Variants in GJC2 observed in about 807,000 individuals in gnomAD.
GJC2 encodes gap junction protein gamma 2, also known as gap junction gamma-2 protein.
For missense variants in GJC2, 647 were observed against 648.9 expected (o/e 1.00, Z 0.03); for synonymous variants, 336 against 307.5 (o/e 1.09, Z -0.97).
At chr1:228,157,654 G>C (rs1411713891) in intron 1 of GJC2, 86 bp from the exon 2 acceptor site, 2 of 737,982 alleles carry the variant, frequency 2.7e-6, no homozygotes, top group African/African-American at 3.5e-5. Context: ...AGAGGGGCCA[G>C]CTGCGAGGCA....
rs567876536 is a variant in GJC2 at position 228,153,047 on chromosome 1, A to G, written c.-20+3040A>G. Among the ~76,000 whole-genome samples the G allele has an allele frequency of 2.6e-5, 4 of 151,982 alleles. 1 individual carries two copies. Among genetic ancestry groups the G allele is most frequent in the African/African-American group, 9.7e-5 (4 of 41,440 alleles). ...TGAGATCTCTTGGACTTGTGTGCAC[A>G]TAGTCTGCAAATCCCGGGCCTGGCT... On this transcript the variant is annotated intron_variant, in intron 1 of 1. Coordinates refer to ENST00000366714, the MANE Select transcript of GJC2 (RefSeq NM_020435.4).
rs2034587878 is a variant in GJC2 at position 228,149,935 on chromosome 1, C to A, written c.-92C>A. The stretch of plus-strand genomic sequence containing the variant: ...GAGGTGGCCCTGGCTCGGCCACACA[C>A]CCTCGGGGAGGACCAGCATCCAAGC... On this transcript the variant is annotated 5_prime_UTR_variant, in exon 1 of 2. Transcript: ENST00000366714. 1 of 152,536 alleles carries A rather than the reference C, an allele frequency of 6.6e-6. No individual in the cohort carries two copies. The highest frequency in any genetic ancestry group is 2.4e-5 in the African/African-American group (1 of 41,468). 9.4% of individuals were successfully genotyped at this position (152,536 alleles called of 1,614,324 possible).
chr1:228,156,839 C>G (rs1571906893), intron 1 of GJC2, among the ~76,000 whole-genome samples: 1 of 152,262 alleles, frequency 6.6e-6, no homozygotes, highest in East Asian at 1.9e-4. Context: ...TTCCTGGGCA[C>G]TTGCCCACCT....
intron 1 of GJC2, among the ~76,000 whole-genome samples, chr1:228,154,240 T>G (rs2034654788): frequency 1.3e-5 from 2 of 152,186 alleles, no homozygotes; most frequent in Non-Finnish European, 2.9e-5. Context: ...CCTCTTGGTT[T>G]CGGCAGCCTC....
In GJC2 at chr1:228,158,894, C is replaced by T. The variant is rs1451419030; in HGVS notation, c.1136C>T (p.Ala379Val). ...RDSSPCVGLP[A>V]ASRGPPRAGA... is the part of the protein sequence containing the mutation. ...AGTTCGCCGTGCGTCGGCCTCCCTG[C>T]GGCCTCCCGGGGGCCCCCCAGAGCA... Residue 379 changes from alanine to valine, a missense_variant, in exon 2 of 2, where the codon GCG (alanine) becomes GTG (valine). Coordinates refer to ENST00000366714, the MANE Select transcript of GJC2 (RefSeq NM_020435.4). This position sits in a 1 kb window ranked among gnomAD's most constrained non-coding sequence, Gnocchi z 8.3. 1.3e-5 allele frequency: 20 copies of T among 1,489,084 alleles called. No individual in the cohort carries two copies. Among genetic ancestry groups the T allele is most frequent in the Admixed American group, 2.3e-5 (1 of 42,614 alleles). The allele number at this position is 1,489,084 out of a possible 1,614,324, so 92.2% of individuals were successfully genotyped here. A position where few individuals can be genotyped will look rare whatever the true frequency, so the allele number is the denominator to read the frequency against.
intron 1 of GJC2, among the ~76,000 whole-genome samples, chr1:228,153,045 A>G (rs1158469563): frequency 1.3e-5 from 2 of 151,906 alleles, no homozygotes; most frequent in African/African-American, 4.8e-5. Context: ...ACTTGTGTGC[A>G]CATAGTCTGC....
Position 228,158,081 on chromosome 1 carries a change from A to C in GJC2, c.323A>C (p.Gln108Pro). The C allele has an allele frequency of 6.3e-7, 1 of 1,588,380 alleles. No homozygotes were observed. Residue 108 changes from glutamine to proline, a missense_variant, in exon 2 of 2, where the codon CAG becomes CCG. By Grantham distance (76) the Gln-to-Pro change is moderately conservative (BLOSUM62 -1). Coordinates refer to ENST00000366714, the MANE Select transcript of GJC2 (RefSeq NM_020435.4). The surrounding 1 kb of genome is among the most constrained non-coding windows in gnomAD (Gnocchi z 8.3). ...CACCGCCTGGCCCGTGCGTCTGAGCAGGAGCGGCGCCGCGCCCTCCGCCGC... is the reference window on the plus strand; with the variant it reads ...CACCGCCTGGCCCGTGCGTCTGAGCCGGAGCGGCGCCGCGCCCTCCGCCGC... ...AVHRLARASE[Q>P]ERRRALRRRP...
At chr1:228,155,990 T>C (rs1245516494) in intron 1 of GJC2, among the ~76,000 whole-genome samples, 1 of 152,244 alleles carries the variant, frequency 6.6e-6, no homozygotes, top group Non-Finnish European at 1.5e-5. Flanking sequence ...GCCTGCTCTG[T>C]CTCAGGTTCC....
intron 1 of GJC2, among the ~76,000 whole-genome samples, chr1:228,154,762 G>A (rs1423484603): frequency 6.6e-6 from 1 of 152,254 alleles, no homozygotes; most frequent in Non-Finnish European, 1.5e-5. Flanking sequence ...GAGGGATCCA[G>A]TCTCAGGCAC....
chr1:228,158,252 C>T lies in GJC2; in HGVS notation c.494C>T (p.Ala165Val). Residue 165 changes from alanine (A) to valine (V), a missense_variant, in exon 2 of 2, where the codon GCC becomes GTC. Physicochemically the swap from Ala to Val is moderately conservative, Grantham distance 64. Coordinates refer to ENST00000366714, the MANE Select transcript of GJC2 (RefSeq NM_020435.4). The surrounding 1 kb of genome is among the most constrained non-coding windows in gnomAD (Gnocchi z 8.3). ...GAGGAGACGGGGGCAGCCGAGGGCG[C>T]CGGCGAGGAAGCGGAGGAGGCAGGC... is the stretch of plus-strand genomic sequence containing the variant. ...EEEETGAAEG[A>V]GEEAEEAGAE... 6.6e-7 allele frequency: 1 copy of T among 1,514,250 alleles called. No individual in the cohort carries two copies. 93.8% of individuals were successfully genotyped at this position (1,514,250 alleles called of 1,614,324 possible). A position where few individuals can be genotyped will look rare whatever the true frequency, so the allele number is the denominator to read the frequency against.
rs1295459864 is a variant in GJC2, at chr1:228,159,278, G to A, written c.*200G>A. The A allele has an allele frequency of 1.6e-6, 1 of 638,624 alleles. No individual in the cohort carries two copies. Among genetic ancestry groups the A allele is most frequent in the Non-Finnish European group, 2.7e-6 (1 of 364,364 alleles). 39.6% of individuals were successfully genotyped at this position (638,624 alleles called of 1,614,324 possible). ...CTTGGTCACCACTGGGGCCAAGGTG[G>A]GGTGGAGAGAGGCCTAGGAGCCAGA... is the stretch of plus-strand genomic sequence containing the variant. On this transcript the variant is annotated 3_prime_UTR_variant, in exon 2 of 2. Transcript: ENST00000366714. This position sits in a 1 kb window ranked among gnomAD's most constrained non-coding sequence, Gnocchi z 4.0.
chr1:228,158,653 C>G lies in GJC2; in HGVS notation c.895C>G (p.Arg299Gly). 2 of 1,521,098 alleles carry G rather than the reference C, an allele frequency of 1.3e-6. No individual in the cohort carries two copies. The highest frequency in any genetic ancestry group is 2.3e-5 in the South Asian group (2 of 86,888). The allele number at this position is 1,521,098 out of a possible 1,614,324, so 94.2% of individuals were successfully genotyped here. The change falls in exon 2 of 2, where the codon CGC (arginine) becomes GGC (glycine). Residue 299 changes from arginine (R) to glycine (G), a missense_variant. Arg to Gly is a moderately radical substitution (Grantham distance 125). Transcript: ENST00000366714. This position sits in a 1 kb window ranked among gnomAD's most constrained non-coding sequence, Gnocchi z 8.3. ...CTTGGGCAGCGCGCAGGACGCGGTGCGCGGCCGCCGCGGCCCCCCGGCCTC... is the reference window on the plus strand; with the variant it reads ...CTTGGGCAGCGCGCAGGACGCGGTGGGCGGCCGCCGCGGCCCCCCGGCCTC... ...LGLGSAQDAVRGRRGPPASAP... is the reference protein window; with the variant it reads ...LGLGSAQDAVGGRRGPPASAP...
In GJC2 at chr1:228,158,025, G is replaced by T; in HGVS notation, c.267G>T (p.Thr89=). ...FWVFQIVVIS[T]PSVMYLGYAV... is the part of the protein sequence containing the mutation. ...TCTTCCAGATTGTGGTCATCTCCAC[G>T]CCCTCGGTCATGTACCTGGGCTACG... The change falls in exon 2 of 2, where the codon ACG becomes ACT. Residue 89 remains threonine (T), a synonymous_variant. Transcript: ENST00000366714. This position sits in a 1 kb window ranked among gnomAD's most constrained non-coding sequence, Gnocchi z 8.3. 6.2e-7 allele frequency: 1 copy of T among 1,611,062 alleles called. No homozygotes were observed.
At position 228,159,396 on chromosome 1, in the gene GJC2, TCTCCCCTTTGTG is replaced by T. The variant is rs1255644715; in HGVS notation, c.*321_*332del. On this transcript the variant is annotated 3_prime_UTR_variant, in exon 2 of 2. Transcript: ENST00000366714. This position sits in a 1 kb window ranked among gnomAD's most constrained non-coding sequence, Gnocchi z 4.0. ...GGAATAGGTCCTCTGGGATGCCAGC[TCTCCCCTTTGTG>T]CTTCCCTGCAGCAACCCATGGAGGG... 1.1e-5 allele frequency: 4 copies of T among 357,722 alleles called. No homozygotes were observed. Among genetic ancestry groups the T allele is most frequent in the Non-Finnish European group, 1.6e-5 (3 of 186,888 alleles). The allele number at this position is 357,722 out of a possible 1,614,324, so 22.2% of individuals were successfully genotyped here.
In GJC2 at chr1:228,152,779, C is replaced by G. The variant is rs2034635108; in HGVS notation, c.-20+2772C>G. On this transcript the variant is annotated intron_variant, in intron 1 of 1. Coordinates refer to ENST00000366714, the MANE Select transcript of GJC2 (RefSeq NM_020435.4). The surrounding 1 kb of genome is among the most constrained non-coding windows in gnomAD (Gnocchi z 7.3). ...GCCCTCCACCAATGCCCACATCCTCCTCTACTTCCCACAGCCTTCCCTGAG... is the reference window on the plus strand; with the variant it reads ...GCCCTCCACCAATGCCCACATCCTCGTCTACTTCCCACAGCCTTCCCTGAG... Among the ~76,000 whole-genome samples the G allele has an allele frequency of 6.6e-6, 1 of 152,052 alleles. No individual in the cohort carries two copies. Among genetic ancestry groups the G allele is most frequent in the African/African-American group, 2.4e-5 (1 of 41,398 alleles).
intron 1 of GJC2, among the ~76,000 whole-genome samples, chr1:228,156,334 C>T: frequency 6.6e-6 from 1 of 152,156 alleles, no homozygotes. Flanking sequence ...TTGCATTAAC[C>T]CTGTTTGCAT....
In GJC2 at chr1:228,158,995, G is replaced by A. The variant is rs9970408; in HGVS notation, c.1237G>A (p.Glu413Lys). ...VGEQGRPGTH[E>K]RPGAKPRAGS... ...GGAGCAGGGCCGGCCCGGCACCCAC[G>A]AGCGGCCAGGAGCCAAGCCCAGGGC... The change falls in exon 2 of 2, where the codon GAG becomes AAG. Residue 413 changes from glutamate (E) to lysine (K), a missense_variant. Coordinates refer to ENST00000366714, the MANE Select transcript of GJC2 (RefSeq NM_020435.4). This position sits in a 1 kb window ranked among gnomAD's most constrained non-coding sequence, Gnocchi z 8.3. 6.2e-7 allele frequency: 1 copy of A among 1,603,770 alleles called. No individual in the cohort carries two copies. Among genetic ancestry groups the A allele is most frequent in the South Asian group, 1.1e-5 (1 of 90,296 alleles).
At position 228,152,884 on chromosome 1, in the gene GJC2, C is replaced by T. The variant is rs1270306465; in HGVS notation, c.-20+2877C>T. ...GCCTCCTGTGGTCACCCCCCTACCTCGCCCTGACACCTTACTAACCCCAGC... is the reference window on the plus strand; with the variant it reads ...GCCTCCTGTGGTCACCCCCCTACCTTGCCCTGACACCTTACTAACCCCAGC... On this transcript the variant is annotated intron_variant, in intron 1 of 1. Coordinates refer to ENST00000366714, the MANE Select transcript of GJC2 (RefSeq NM_020435.4). The surrounding 1 kb of genome is among the most constrained non-coding windows in gnomAD (Gnocchi z 7.3). Among the ~76,000 whole-genome samples the T allele has an allele frequency of 1.3e-5, 2 of 152,126 alleles. No individual in the cohort carries two copies. Among genetic ancestry groups the T allele is most frequent in the East Asian group, 1.9e-4 (1 of 5,168 alleles).
chr1:228,156,062 G>A (rs1012310097), intron 1 of GJC2, among the ~76,000 whole-genome samples: 1 of 151,298 alleles, frequency 6.6e-6, no homozygotes, highest in Non-Finnish European at 1.5e-5. Flanking sequence ...AGGGAGGTGG[G>A]CCCTGCCTAC....
Sources: gnomAD v4.1 joint callset for allele counts (sites outside exome capture counted in the v4.1 genomes callset) on GRCh38, gnomAD v4.1.1 for gene constraint, Gnocchi (gnomAD v3.1) non-coding constraint, MANE v1.5 for transcripts, NCBI Gene and HGNC (gene_info 2026-07-23, HGNC 2026-07-21) for gene names.